Variants in CA5A observed in about 807,000 individuals in gnomAD.
CA5A encodes carbonic anhydrase 5A, mitochondrial.
Under a neutral mutation model 37.1 loss-of-function variants are expected in CA5A, and 28 were observed. The observed-to-expected ratio is 0.75, with a 90% CI of 0.56 to 1.03. The LOEUF is 1.03. CA5A is among the 50% of genes least tolerant of loss of function. The pLI is 0.00. For synonymous variants in CA5A, 171 were observed against 158.4 expected (o/e 1.08, Z -0.60); for missense variants, 444 against 399.9 (o/e 1.11, Z -0.94).
chr16:87,923,017 TTGG>T (rs898176707), intron 2 of CA5A, among the ~76,000 whole-genome samples: 1 of 152,054 alleles, frequency 6.6e-6, no homozygotes, highest in African/African-American at 2.4e-5. Context: ...GAGAAGTGAG[TTGG>T]TGAAGGGCTA....
chr16:87,916,802 G>A (rs1051943285), intron 2 of CA5A, among the ~76,000 whole-genome samples: 37 of 152,192 alleles, frequency 2.4e-4, no homozygotes, highest in African/African-American at 7.7e-4. Flanking sequence ...GAAGCTGGAC[G>A]ATCAGAAATG....
At position 87,915,535 on chromosome 16, in the gene CA5A, T is replaced by A. The variant is rs1491000292; in HGVS notation, c.341-10631A>T. 4.0e-3 allele frequency among the ~76,000 whole-genome samples: 505 copies of A among 126,340 alleles called. 3 individuals carry two copies. Among genetic ancestry groups the A allele is most frequent in the African/African-American group, 0.014 (476 of 34,178 alleles). 82.9% of individuals were successfully genotyped at this position (126,340 alleles called of 152,430 possible). ...CAGATCCTGTGTCAAAATTTTTTTT[T>A]TTTTTTTTTTTTTTTTTGTGGCTCA... is the stretch of plus-strand genomic sequence containing the variant. On this transcript the variant is annotated intron_variant, in intron 2 of 6. Transcript: ENST00000649794.
chr16:87,908,904 C>T (rs2056006461), intron 2 of CA5A, among the ~76,000 whole-genome samples: 2 of 152,154 alleles, frequency 1.3e-5, no homozygotes, highest in South Asian at 4.1e-4. Context: ...CAACCTCCAC[C>T]TCCCGGGTTC....
rs185158835 is a variant in CA5A at position 87,911,962 on chromosome 16, G to T, written c.341-7058C>A. 6.6e-6 allele frequency among the ~76,000 whole-genome samples: 1 copy of T among 152,124 alleles called. No homozygotes were observed. The highest frequency in any genetic ancestry group is 1.5e-5 in the Non-Finnish European group (1 of 68,032). ...GCACGCAGTGAGAGCTCAAATAATG[G>T]TAGCCACTTACTATTATTATGACTG... On this transcript the variant is annotated intron_variant, in intron 2 of 6. Coordinates refer to ENST00000649794, the MANE Select transcript of CA5A (RefSeq NM_001739.2). The surrounding 1 kb of genome is among the most constrained non-coding windows in gnomAD (Gnocchi z 4.6).
intron 1 of CA5A, among the ~76,000 whole-genome samples, chr16:87,933,533 G>A (rs1380137942): frequency 2.6e-5 from 4 of 151,904 alleles, no homozygotes; most frequent in Non-Finnish European, 2.9e-5. Context: ...GTGCCACCAT[G>A]TCCAGTTAAT....
chr16:87,892,550 AATAATAAATT>A (rs759790417), intron 5 of CA5A, among the ~76,000 whole-genome samples: 1,898 of 139,412 alleles, frequency 0.014, 12 homozygotes, highest in Non-Finnish European at 0.02. Flanking sequence ...TAATAATAAT[AATAATAAATT>A]AATTAATAAT....
At chr16:87,883,039 A>T (rs1426489788), downstream of CA5A, 1 of 152,188 alleles carries the variant, frequency 6.6e-6, no homozygotes, top group Non-Finnish European at 1.5e-5. Flanking sequence ...TTTTGTTTTG[A>T]GACGGAGTCT....
At chr16:87,922,117 AGCC>A (rs2056238872) in intron 2 of CA5A, among the ~76,000 whole-genome samples, 3 of 152,074 alleles carry the variant, frequency 2.0e-5, no homozygotes, top group African/African-American at 7.2e-5. Context: ...TACAGGTGTG[AGCC>A]GCCGGGCCGA....
At chr16:87,933,218 G>A (rs1244063478) in intron 1 of CA5A, among the ~76,000 whole-genome samples, 6 of 152,208 alleles carry the variant, frequency 3.9e-5, no homozygotes, top group Non-Finnish European at 8.8e-5. Flanking sequence ...CAGGAATTTA[G>A]AATCTTTGAT....
chr16:87,917,800 CACATGTGCACACATGCACACGA>C (rs2056175043), intron 2 of CA5A, among the ~76,000 whole-genome samples: 2 of 111,286 alleles, frequency 1.8e-5, no homozygotes, highest in Non-Finnish European at 3.5e-5. Context: ...ATACACAGTG[CACATGTGCACACATGCACACGA>C]ACACACATGC....
At chr16:87,913,064 G>T (rs1031022044) in intron 2 of CA5A, among the ~76,000 whole-genome samples, 8 of 151,588 alleles carry the variant, frequency 5.3e-5, no homozygotes, top group African/African-American at 1.9e-4. Context: ...GCTCACTGCA[G>T]CCTCCGCCTC....
intron 2 of CA5A, among the ~76,000 whole-genome samples, chr16:87,915,214 G>A (rs1724059595): frequency 6.6e-6 from 1 of 152,196 alleles, no homozygotes; most frequent in South Asian, 2.1e-4. Context: ...CGGTCCCTGG[G>A]AAACAATCTA....
At chr16:87,922,752 C>T (rs935494383) in intron 2 of CA5A, among the ~76,000 whole-genome samples, 1 of 152,272 alleles carries the variant, frequency 6.6e-6, no homozygotes, top group African/African-American at 2.4e-5. Flanking sequence ...GCTTCCTTCT[C>T]TGCATGGAGG....
At chr16:87,896,831 G>C (rs2055809238) in intron 5 of CA5A, among the ~76,000 whole-genome samples, 1 of 152,144 alleles carries the variant, frequency 6.6e-6, no homozygotes, top group Non-Finnish European at 1.5e-5. Flanking sequence ...ATAGAGATGG[G>C]GTTTCTCTAT....
At chr16:87,889,696 T>A (rs190223165) in intron 6 of CA5A, among the ~76,000 whole-genome samples, 160 of 151,880 alleles carry the variant, frequency 1.1e-3, no homozygotes, top group African/African-American at 3.6e-3. Flanking sequence ...CTCTTTAACC[T>A]GGGAGGCGGA....
At chr16:87,914,392 T>A (rs1398938382) in intron 2 of CA5A, among the ~76,000 whole-genome samples, 3 of 152,118 alleles carry the variant, frequency 2.0e-5, no homozygotes, top group East Asian at 1.9e-4. Context: ...GATGATGGCA[T>A]ATTGACCAAA....
chr16:87,921,934 C>T (rs1275640143), intron 2 of CA5A, among the ~76,000 whole-genome samples: 1 of 151,950 alleles, frequency 6.6e-6, no homozygotes, highest in East Asian at 1.9e-4. Flanking sequence ...GTGGCACAAT[C>T]CCAGGTAACT....
intron 1 of CA5A, 119 bp downstream of exon 1, chr16:87,936,190 A>AC: frequency 3.1e-6 from 2 of 651,048 alleles, no homozygotes; most frequent in South Asian, 2.0e-5. Context: ...AAAAAAAAAA[A>AC]CGGAGTGGAA....
At chr16:87,924,834 C>T (rs1021824996) in intron 2 of CA5A, among the ~76,000 whole-genome samples, 9 of 152,212 alleles carry the variant, frequency 5.9e-5, no homozygotes, top group South Asian at 4.1e-4. Context: ...GAAGCAGGTC[C>T]GGGCATGCTG....
Sources: gnomAD v4.1 joint callset for allele counts (sites outside exome capture counted in the v4.1 genomes callset) on GRCh38, gnomAD v4.1.1 for gene constraint, Gnocchi (gnomAD v3.1) non-coding constraint, MANE v1.5 for transcripts, NCBI Gene and HGNC (gene_info 2026-07-23, HGNC 2026-07-21) for gene names.